Variants in MATN2 observed in about 807,000 individuals in gnomAD.
MATN2 encodes the protein matrilin-2.
A neutral mutation model predicts 103.2 loss-of-function variants in MATN2; 69 were observed. That is an observed-to-expected ratio of 0.67 (90% CI 0.55 to 0.82). The LOEUF (loss-of-function observed/expected upper bound fraction) is 0.82, where lower values mean the gene tolerates loss of function less well. Ranked by LOEUF, MATN2 falls within the 40% of genes least tolerant of loss-of-function variation. The probability of loss-of-function intolerance (pLI) is 0.00; values close to 1 mark genes in which losing one functional copy is unlikely to be tolerated. For missense variants in MATN2, 1,023 were observed against 1,211.5 expected (o/e 0.84, Z 2.31); for synonymous variants, 429 against 450.2 (o/e 0.95, Z 0.60).
chr8:97,871,981 G>A (rs1817912225), intron 1 of MATN2, among the ~76,000 whole-genome samples: 1 of 152,202 alleles, frequency 6.6e-6, no homozygotes, highest in Admixed American at 6.5e-5. Context: ...TAGACTCTCT[G>A]TGCCTGACAT....
At chr8:98,001,033 T>A (rs1413943556) in intron 7 of MATN2, among the ~76,000 whole-genome samples, 2 of 152,246 alleles carry the variant, frequency 1.3e-5, no homozygotes, top group African/African-American at 2.4e-5. Context: ...GTGTCATATC[T>A]TTAAGTGATT....
chr8:97,927,323 ATTATT>A lies in MATN2; in HGVS notation c.143-3627_143-3623del, dbSNP rs1384250258. On this transcript the variant is annotated intron_variant, in intron 2 of 18. Coordinates refer to ENST00000254898, the MANE Select transcript of MATN2 (RefSeq NM_002380.5). The stretch of plus-strand genomic sequence containing the variant: ...CACACCCAGCTAATTTTGTATTATT[ATTATT>A]TTTTTTTTTTTAGTAGAGATGGGGT... 6.8e-5 allele frequency among the ~76,000 whole-genome samples: 5 copies of A among 73,312 alleles called. No homozygotes were observed. In the East Asian group the frequency reaches 6.0e-3, roughly 88 times the overall value. The allele number at this position is 73,312 out of a possible 152,430, so 48.1% of individuals were successfully genotyped here. A position where few individuals can be genotyped will look rare whatever the true frequency, so the allele number is the denominator to read the frequency against.
chr8:97,895,915 T>C (rs773767826), intron 2 of MATN2, among the ~76,000 whole-genome samples: 15 of 152,228 alleles, frequency 9.9e-5, no homozygotes, highest in African/African-American at 2.2e-4. Flanking sequence ...AGCCCCTTTA[T>C]GGAAAGGATG....
intron 6 of MATN2, among the ~76,000 whole-genome samples, chr8:97,987,820 A>G (rs1812245783): frequency 6.6e-6 from 1 of 152,160 alleles, no homozygotes; most frequent in African/African-American, 2.4e-5. Flanking sequence ...AGAGGGAATA[A>G]TAAAGATCTG....
chr8:97,925,541 CA>C (rs1353416354), intron 2 of MATN2, among the ~76,000 whole-genome samples: 1 of 152,092 alleles, frequency 6.6e-6, no homozygotes, highest in Non-Finnish European at 1.5e-5. Flanking sequence ...ATAAACAAGC[CA>C]ACACCTGTAA....
chr8:97,894,016 C>G (rs1818721833), intron 2 of MATN2, among the ~76,000 whole-genome samples: 1 of 152,170 alleles, frequency 6.6e-6, no homozygotes, highest in South Asian at 2.1e-4. Flanking sequence ...TTTTCTTTTC[C>G]TATTATAGAC....
In MATN2 at chr8:97,994,600, GAAGT is replaced by G; in HGVS notation, c.1204+3_1204+6del. 1.2e-6 allele frequency: 2 copies of G among 1,610,854 alleles called. No individual in the cohort carries two copies. Among genetic ancestry groups the G allele is most frequent in the Admixed American group, 1.7e-5 (1 of 59,090 alleles). Reference sequence around the variant, plus strand: ...CTGAATCCAGATAAGAAAACCTGCAGAAGTAAGTTACAGTGGGAGTTGGAGAAGG... The same window carrying G: ...CTGAATCCAGATAAGAAAACCTGCAGAAGTTACAGTGGGAGTTGGAGAAGG... On this transcript the variant is annotated splice_donor_variant and coding_sequence_variant, in exon 7 of 19. Coordinates refer to ENST00000254898, the MANE Select transcript of MATN2 (RefSeq NM_002380.5). LOFTEE classifies it high-confidence loss of function.
At chr8:98,001,824 A>G (rs1812795598) in intron 7 of MATN2, among the ~76,000 whole-genome samples, 1 of 150,982 alleles carries the variant, frequency 6.6e-6, no homozygotes, top group African/African-American at 2.5e-5. Flanking sequence ...GGCCCCCAGT[A>G]AGCTTCTTAT....
rs1811935015 is a variant in MATN2, at chr8:97,978,976, T to G, written c.1049T>G (p.Phe350Cys). The G allele has an allele frequency of 1.2e-6, 2 of 1,613,426 alleles. No homozygotes were observed. Among genetic ancestry groups the G allele is most frequent in the Admixed American group, 1.7e-5 (1 of 59,894 alleles). ...GSYLCQCHEG[F>C]ALNPDKKTCT... ...TACCTTTGCCAGTGCCATGAAGGAT[T>G]TGCTCTTAACCCAGATAAAAAAACG... The change falls in exon 6 of 19, where the codon TTT becomes TGT. Residue 350 changes from phenylalanine (F) to cysteine (C), a missense_variant. Coordinates refer to ENST00000254898, the MANE Select transcript of MATN2 (RefSeq NM_002380.5).
At chr8:97,999,227 G>C (rs1812703176) in intron 7 of MATN2, among the ~76,000 whole-genome samples, 2 of 152,060 alleles carry the variant, frequency 1.3e-5, no homozygotes, top group Admixed American at 1.3e-4. Context: ...ATCATCCTTT[G>C]TACTCATCCT....
chr8:97,956,318 C>G (rs1174194244), intron 4 of MATN2, among the ~76,000 whole-genome samples: 3 of 152,180 alleles, frequency 2.0e-5, no homozygotes, highest in Admixed American at 2.0e-4. Context: ...ACTGGGATTA[C>G]AGGCACCTGC....
intron 18 of MATN2, among the ~76,000 whole-genome samples, chr8:98,034,876 A>G (rs1012766707): frequency 6.6e-6 from 1 of 151,644 alleles, no homozygotes; most frequent in African/African-American, 2.4e-5. Flanking sequence ...GCTATGGCAA[A>G]CTAATTTGCA....
chr8:98,033,120 A>G lies in MATN2; in HGVS notation c.2660A>G (p.Glu887Gly). 6.2e-7 allele frequency: 1 copy of G among 1,611,010 alleles called. No homozygotes were observed. Among genetic ancestry groups the G allele is most frequent in the Non-Finnish European group, 8.5e-7 (1 of 1,178,414 alleles). The change falls in exon 17 of 19, where the codon GAA becomes GGA. Residue 887 changes from glutamate (E) to glycine (G), a missense_variant. Physicochemically the swap from Glu to Gly is moderately conservative, Grantham distance 98. Transcript: ENST00000254898. Reference sequence around the variant, plus strand: ...GCAGTGCAACACAGATATCTGTTTGAAGAAGACAATCTTTTACGGTCTACA... The same window carrying G: ...GCAGTGCAACACAGATATCTGTTTGGAGAAGACAATCTTTTACGGTCTACA... ...NFAVQHRYLF[E>G]EDNLLRSTQK... is the part of the protein sequence containing the mutation.
chr8:97,928,626 G>A (rs908371309), intron 2 of MATN2, among the ~76,000 whole-genome samples: 2 of 152,084 alleles, frequency 1.3e-5, no homozygotes, highest in Non-Finnish European at 1.5e-5. Context: ...GCAGGTGCCT[G>A]TGTGCAGCAC....
intron 1 of MATN2, among the ~76,000 whole-genome samples, chr8:97,872,826 G>T (rs75831947): frequency 1.3e-5 from 2 of 150,094 alleles, no homozygotes; most frequent in Admixed American, 6.6e-5. Context: ...ACAGAGTCTC[G>T]TTCTATCGCC....
intron 4 of MATN2, among the ~76,000 whole-genome samples, chr8:97,956,160 C>T (rs1042983739): frequency 6.6e-6 from 1 of 152,116 alleles, no homozygotes; most frequent in Non-Finnish European, 1.5e-5. Flanking sequence ...TAGGTAGTAG[C>T]TCAGGGCAGT....
In MATN2 at chr8:97,877,344, G is replaced by A. The variant is rs190275429; in HGVS notation, c.-27+8057G>A. 3.5e-3 allele frequency among the ~76,000 whole-genome samples: 528 copies of A among 151,984 alleles called. 5 individuals carry two copies. Among genetic ancestry groups the A allele is most frequent in the African/African-American group, 0.012 (498 of 41,494 alleles). On this transcript the variant is annotated intron_variant, in intron 1 of 18. Transcript: ENST00000254898. ...AATACAAAATTAGCCGGGCATGGTGGTGCATGCCTGTAATCCCAGCTACTC... is the reference window on the plus strand; with the variant it reads ...AATACAAAATTAGCCGGGCATGGTGATGCATGCCTGTAATCCCAGCTACTC...
chr8:97,954,770 T>C (rs1811091316), intron 4 of MATN2, among the ~76,000 whole-genome samples: 1 of 152,264 alleles, frequency 6.6e-6, no homozygotes, highest in Non-Finnish European at 1.5e-5. Flanking sequence ...TGCTAGATAT[T>C]TGAACTAGCA....
chr8:97,889,650 G>T (rs192672602), intron 2 of MATN2, among the ~76,000 whole-genome samples: 2 of 151,836 alleles, frequency 1.3e-5, no homozygotes, highest in Non-Finnish European at 2.9e-5. Context: ...TGCCATGTTG[G>T]CCAGGCTGGT....
Sources: gnomAD v4.1 joint callset for allele counts (sites outside exome capture counted in the v4.1 genomes callset) on GRCh38, gnomAD v4.1.1 for gene constraint, MANE v1.5 for transcripts, NCBI Gene and HGNC (gene_info 2026-07-23, HGNC 2026-07-21) for gene names.